ZFHX3: variants seen among roughly 807,000 people sequenced by gnomAD.
ZFHX3 encodes the protein zinc finger homeobox 3.
ZFHX3 carries 42 observed loss-of-function variants against 279.1 expected under a neutral mutation model. The ratio of observed to expected loss-of-function variants is 0.15; its 90% CI spans 0.12 to 0.19. The LOEUF is 0.19. Ranked by LOEUF, ZFHX3 falls within the 10% of genes least tolerant of loss-of-function variation. The probability of loss-of-function intolerance (pLI) is 1.00; values close to 1 mark genes in which losing one functional copy is unlikely to be tolerated. For missense variants in ZFHX3, 4,981 were observed against 4,754.0 expected (o/e 1.05, Z -1.40); for synonymous variants, 2,293 against 1,957.8 (o/e 1.17, Z -4.52).
intron 1 of ZFHX3, among the ~76,000 whole-genome samples, chr16:73,735,089 G>T (rs1435454726): frequency 6.6e-6 from 1 of 152,030 alleles, no homozygotes; most frequent in Non-Finnish European, 1.5e-5. Context: ...AACCACGTTA[G>T]GTATACAGTT....
intron 1 of ZFHX3, among the ~76,000 whole-genome samples, chr16:72,976,300 G>T (rs1962343218): frequency 6.6e-6 from 1 of 152,148 alleles, no homozygotes; most frequent in Non-Finnish European, 1.5e-5. Context: ...AGATTCCCAT[G>T]TTAAGCCATG....
intron 4 of ZFHX3, among the ~76,000 whole-genome samples, chr16:73,292,131 G>A (rs1238572032): frequency 6.6e-6 from 1 of 152,044 alleles, no homozygotes; most frequent in Non-Finnish European, 1.5e-5. Context: ...AACCCTAAAA[G>A]CAAAAATAAA....
At chr16:73,125,811 T>C (rs1244029825) in intron 7 of ZFHX3, among the ~76,000 whole-genome samples, 1 of 151,992 alleles carries the variant, frequency 6.6e-6, no homozygotes, top group Non-Finnish European at 1.5e-5. Context: ...TATGTATATA[T>C]ATATGCATAT....
intron 1 of ZFHX3, among the ~76,000 whole-genome samples, chr16:73,002,729 C>CT (rs1262605057): frequency 1.3e-5 from 2 of 152,004 alleles, no homozygotes; most frequent in Admixed American, 6.6e-5. Flanking sequence ...ATCTTTGCTG[C>CT]TTTTTTTTAA....
chr16:73,358,947 C>A (rs1198054838), intron 3 of ZFHX3, among the ~76,000 whole-genome samples: 1 of 152,190 alleles, frequency 6.6e-6, no homozygotes, highest in African/African-American at 2.4e-5. Flanking sequence ...AACAAGATAA[C>A]ACTTGAAAGT....
At chr16:72,837,911 C>G (rs1567541195) in intron 4 of ZFHX3, among the ~76,000 whole-genome samples, 2 of 152,180 alleles carry the variant, frequency 1.3e-5, no homozygotes, top group African/African-American at 4.8e-5. Flanking sequence ...CCTACAAACT[C>G]TTTTTCACAT....
At chr16:73,135,357 G>A (rs1032526120) in intron 6 of ZFHX3, among the ~76,000 whole-genome samples, 5 of 152,142 alleles carry the variant, frequency 3.3e-5, no homozygotes, top group African/African-American at 4.8e-5. Context: ...CAGACTAAAT[G>A]TTATTTTAGG....
intron 2 of ZFHX3, among the ~76,000 whole-genome samples, chr16:73,561,522 C>G (rs1408350594): frequency 2.0e-5 from 3 of 152,090 alleles, no homozygotes; most frequent in Non-Finnish European, 4.4e-5. Flanking sequence ...AAATGCTCCA[C>G]CATATTTTGC....
intron 5 of ZFHX3, among the ~76,000 whole-genome samples, chr16:72,820,706 G>A (rs1351599633): frequency 6.6e-6 from 1 of 152,158 alleles, no homozygotes; most frequent in Non-Finnish European, 1.5e-5. Flanking sequence ...GTGAGGATGG[G>A]TGGCCACAGT....
chr16:73,791,165 G>A (rs1303783221), intron 1 of ZFHX3, among the ~76,000 whole-genome samples: 1 of 151,646 alleles, frequency 6.6e-6, no homozygotes, highest in Non-Finnish European at 1.5e-5. Context: ...GGATCTTGCT[G>A]TGTTGCCCAG....
At chr16:73,812,226 G>A (rs1960447630) in intron 1 of ZFHX3, among the ~76,000 whole-genome samples, 1 of 152,146 alleles carries the variant, frequency 6.6e-6, no homozygotes, top group Non-Finnish European at 1.5e-5. Context: ...AGCATGGGCT[G>A]GGCATCCATC....
chr16:73,112,858 C>T (rs777148035), intron 7 of ZFHX3, among the ~76,000 whole-genome samples: 30 of 151,996 alleles, frequency 2.0e-4, no homozygotes, highest in Non-Finnish European at 3.4e-4. Context: ...CTAGCTGCTG[C>T]CCCTGGGGCC....
chr16:73,726,688 G>A (rs926515105), intron 1 of ZFHX3, among the ~76,000 whole-genome samples: 10 of 152,128 alleles, frequency 6.6e-5, no homozygotes, highest in African/African-American at 1.2e-4. Flanking sequence ...CCCATCACAC[G>A]CAACAGCGGG....
intron 4 of ZFHX3, among the ~76,000 whole-genome samples, chr16:72,886,511 T>C (rs1378644821): frequency 6.6e-6 from 1 of 152,166 alleles, no homozygotes; most frequent in Non-Finnish European, 1.5e-5. Flanking sequence ...TCACCGACTC[T>C]GGGTGAAATG....
intron 1 of ZFHX3, among the ~76,000 whole-genome samples, chr16:73,762,727 C>A (rs146993707): frequency 6.6e-6 from 1 of 152,232 alleles, no homozygotes; most frequent in East Asian, 1.9e-4. Context: ...AACATGGGAA[C>A]AGAAAACCAA....
At position 72,796,583 on chromosome 16, in the gene ZFHX3, C is replaced by G; in HGVS notation, c.6099G>C (p.Arg2033Ser). 1 of 1,613,348 alleles carries G rather than the reference C, an allele frequency of 6.2e-7. No individual in the cohort carries two copies. The highest frequency in any genetic ancestry group is 8.5e-7 in the Non-Finnish European group (1 of 1,179,944). Residue 2033 changes from arginine (R) to serine (S), a missense_variant, in exon 9 of 10, where the codon AGG becomes AGC. By Grantham distance (110) the Arg-to-Ser change is moderately radical. This residue lies in a region of ZFHX3 where 1,751 missense variants were observed against 1,770.0 expected (regional missense o/e 0.99). Transcript: ENST00000268489. ...RDHYDKLYPL[R>S]PQTPEPPPPP... ...GTGGTGGTGGCTCTGGGGTCTGGGGCCTCAGTGGGTACAGTTTATCGTAGT... is the reference window on the plus strand; with the variant it reads ...GTGGTGGTGGCTCTGGGGTCTGGGGGCTCAGTGGGTACAGTTTATCGTAGT...
intron 1 of ZFHX3, among the ~76,000 whole-genome samples, chr16:73,683,331 G>A (rs2053046381): frequency 6.6e-6 from 1 of 152,162 alleles, no homozygotes; most frequent in Non-Finnish European, 1.5e-5. Context: ...GGGGCAGTCA[G>A]GTTGGTAACT....
chr16:73,793,257 G>A (rs980141515), intron 1 of ZFHX3, among the ~76,000 whole-genome samples: 1 of 152,182 alleles, frequency 6.6e-6, no homozygotes, highest in African/African-American at 2.4e-5. Context: ...TTTCAACCAA[G>A]CTGAATTTTG....
intron 4 of ZFHX3, among the ~76,000 whole-genome samples, chr16:73,272,474 A>C (rs1304521898): frequency 6.6e-6 from 1 of 152,202 alleles, no homozygotes; most frequent in Admixed American, 6.5e-5. Context: ...CAATAGAAGG[A>C]AGGAAGAGAA....
Sources: allele counts gnomAD v4.1 joint callset (sites outside exome capture counted in the v4.1 genomes callset), GRCh38; gene constraint gnomAD v4.1.1; regional missense constraint gnomAD v4.1.1; transcripts MANE v1.5; gene names NCBI Gene and HGNC (gene_info 2026-07-23, HGNC 2026-07-21).